PUS3: variants seen among roughly 807,000 people sequenced by gnomAD.
PUS3 encodes the protein tRNA pseudouridine(38/39) synthase.
In PUS3, 36 loss-of-function variants were observed where a neutral mutation model predicts 43.3. That is an observed-to-expected ratio of 0.83 (90% CI 0.64 to 1.10). The LOEUF (loss-of-function observed/expected upper bound fraction) is 1.10, where lower values mean the gene tolerates loss of function less well. PUS3 is among the 50% of genes least tolerant of loss of function. PUS3 has a pLI of 0.00. For synonymous variants in PUS3, 183 were observed against 199.2 expected (o/e 0.92, Z 0.69); for missense variants, 544 against 589.9 (o/e 0.92, Z 0.81).
rs1944561045 is a variant in PUS3, at chr11:125,895,682, G to A, written c.486C>T (p.His162=). The change falls in exon 3 of 4, where the codon CAC becomes CAT. Residue 162 remains histidine, a synonymous_variant. Coordinates refer to ENST00000227474, the MANE Select transcript of PUS3 (RefSeq NM_031307.4). ...CTGGAGGGAGTACCCGATTGAGAAT[G>A]TGGGTATAACGGATCTCTTCAGCAG... ...NAAAEEIRYT[H]ILNRVLPPDI... is the part of the protein sequence containing the mutation. 1.9e-6 allele frequency: 3 copies of A among 1,614,056 alleles called. No homozygotes were observed. Among genetic ancestry groups the A allele is most frequent in the Non-Finnish European group, 1.7e-6 (2 of 1,179,914 alleles).
At position 125,893,702 on chromosome 11, in the gene PUS3, T is replaced by A. The variant is rs1189362786; in HGVS notation, c.*83A>T. 9.8e-6 allele frequency: 11 copies of A among 1,124,390 alleles called. No individual in the cohort carries two copies. The East Asian group carries it at 2.3e-4, about 23-fold the overall frequency. The allele number at this position is 1,124,390 out of a possible 1,614,324, so 69.7% of individuals were successfully genotyped here. ...AAGAGCTGATCATCTGAATTCCTAG[T>A]ACTTGCAAGTAAATTTTTTTTTTTT... is the stretch of plus-strand genomic sequence containing the variant. On this transcript the variant is annotated 3_prime_UTR_variant, in exon 4 of 4. Transcript: ENST00000227474.
intron 1 of PUS3, among the ~76,000 whole-genome samples, chr11:125,901,152 C>T (rs556836387): frequency 6.6e-5 from 10 of 152,194 alleles, no homozygotes; most frequent in African/African-American, 2.4e-4. Flanking sequence ...TAACAAATGC[C>T]CCAAAACAGT....
At chr11:125,899,871 T>C in intron 1 of PUS3, 1 of 1,614,216 alleles carries the variant, frequency 6.2e-7, no homozygotes, top group Middle Eastern at 1.6e-4. Context: ...CAAGATCAGC[T>C]CATTTGCTCT....
At position 125,896,751 on chromosome 11, in the gene PUS3, TC is replaced by T. The variant is rs905255052; in HGVS notation, c.-46-422del. Among the ~76,000 whole-genome samples the T allele has an allele frequency of 1.1e-4, 16 of 152,350 alleles. 1 individual carries two copies. The highest frequency in any genetic ancestry group is 3.3e-4 in the Admixed American group (5 of 15,302). On this transcript the variant is annotated intron_variant, in intron 1 of 3. Transcript: ENST00000227474. ...GGGCTACTTTTATCTGCTCTGAGTT[TC>T]TATTGCTTTCCATTATCTCAAATAA...
intron 1 of PUS3, among the ~76,000 whole-genome samples, chr11:125,897,905 G>GT (rs1944635807): frequency 6.6e-6 from 1 of 152,108 alleles, no homozygotes; most frequent in Non-Finnish European, 1.5e-5. Flanking sequence ...CAAGATACTC[G>GT]TGTTAGCATC....
intron 1 of PUS3, among the ~76,000 whole-genome samples, chr11:125,897,404 C>A (rs1021641151): frequency 3.3e-5 from 5 of 151,744 alleles, no homozygotes; most frequent in East Asian, 3.9e-4. Context: ...GGAAAAACTT[C>A]TGCCAGCAAA....
At position 125,896,266 on chromosome 11, in the gene PUS3, CTG is replaced by C. The variant is rs1208593429; in HGVS notation, c.17_18del (p.Thr6ArgfsTer6). On this transcript the variant is annotated frameshift_variant, in exon 2 of 4. Coordinates refer to ENST00000227474, the MANE Select transcript of PUS3 (RefSeq NM_031307.4). LOFTEE classifies it high-confidence loss of function. Reference protein sequence around the residue: MAYNDTDRNQTEKLLK... With the variant: MAYNDXDRNQTEKLLK... ...AGGAGCTTCTCAGTCTGGTTTCTGT[CTG>C]TGTCATTATAAGCCATGATATGACA... The C allele has an allele frequency of 6.2e-7, 1 of 1,611,126 alleles. No homozygotes were observed. The highest frequency in any genetic ancestry group is 8.5e-7 in the Non-Finnish European group (1 of 1,177,566).
rs1944581255 is a variant in PUS3, at chr11:125,896,136, T to C, written c.149A>G (p.Lys50Arg). 3 of 1,614,236 alleles carry C rather than the reference T, an allele frequency of 1.9e-6. No homozygotes were observed. Among genetic ancestry groups the C allele is most frequent in the Admixed American group, 3.3e-5 (2 of 60,030 alleles). ...NIRENSAGAG[K>R]TKRAFDFSAH... The stretch of plus-strand genomic sequence containing the variant: ...ACTGAAATCAAATGCACGCTTAGTT[T>C]TTCCAGCTCCTGCTGAATTTTCTCT... The change falls in exon 2 of 4, where the codon AAA becomes AGA. Residue 50 changes from lysine to arginine, a missense_variant. Transcript: ENST00000227474.
intron 1 of PUS3, among the ~76,000 whole-genome samples, chr11:125,898,727 A>G (rs1386616456): frequency 6.6e-6 from 1 of 151,976 alleles, no homozygotes; most frequent in Non-Finnish European, 1.5e-5. Context: ...GTATATACAC[A>G]TTATATGTGT....
Position 125,899,564 on chromosome 11 carries a change from G to GT in PUS3, c.-46-3235dup, listed in dbSNP as rs778009727. The GT allele has an allele frequency of 5.0e-6, 8 of 1,614,068 alleles. No individual in the cohort carries two copies. The African/African-American group carries it at 1.1e-4, about 22-fold the overall frequency. On this transcript the variant is annotated intron_variant, in intron 1 of 3. Coordinates refer to ENST00000227474, the MANE Select transcript of PUS3 (RefSeq NM_031307.4). ...CCCAGGGAAGCGACCTGCTCTTCCT[G>GT]TGCAACTACAGTACCCACATGTAGA...
In PUS3 at chr11:125,893,728, T is replaced by TC. The variant is rs1436771296; in HGVS notation, c.*56dup. 3.6e-6 allele frequency: 5 copies of TC among 1,400,960 alleles called. No individual in the cohort carries two copies. In the East Asian group the frequency reaches 9.8e-5, roughly 28 times the overall value. The allele number at this position is 1,400,960 out of a possible 1,614,324, so 86.8% of individuals were successfully genotyped here. ...ACTTGCAAGTAAATTTTTTTTTTTTTCCTTTTCTGTCCACCTACCATTAGG... is the reference window on the plus strand; with the variant it reads ...ACTTGCAAGTAAATTTTTTTTTTTTTCCCTTTTCTGTCCACCTACCATTAGG... On this transcript the variant is annotated 3_prime_UTR_variant, in exon 4 of 4. Coordinates refer to ENST00000227474, the MANE Select transcript of PUS3 (RefSeq NM_031307.4).
In PUS3 at chr11:125,893,659, T is replaced by C. The variant is rs1944475684; in HGVS notation, c.*126A>G. The C allele has an allele frequency of 1.3e-6, 1 of 794,208 alleles. No homozygotes were observed. Among genetic ancestry groups the C allele is most frequent in the East Asian group, 2.7e-5 (1 of 36,710 alleles). 49.2% of individuals were successfully genotyped at this position (794,208 alleles called of 1,614,324 possible). A position where few individuals can be genotyped will look rare whatever the true frequency, so the allele number is the denominator to read the frequency against. On this transcript the variant is annotated 3_prime_UTR_variant, in exon 4 of 4. Transcript: ENST00000227474. The stretch of plus-strand genomic sequence containing the variant: ...TTCCTTAATAGGGCTTTAGTCTTTT[T>C]GCTTTTTTTTTTCTTTTAAGAGCTG...
intron 1 of PUS3, among the ~76,000 whole-genome samples, chr11:125,901,123 G>A (rs1041181604): frequency 6.9e-6 from 1 of 144,430 alleles, no homozygotes; most frequent in South Asian, 2.1e-4. Context: ...ACAAATCCAA[G>A]TAGCTTTAAA....
chr11:125,900,134 C>G lies in PUS3; in HGVS notation c.-47+3036G>C, dbSNP rs1478698385. On this transcript the variant is annotated intron_variant, in intron 1 of 3. Coordinates refer to ENST00000227474, the MANE Select transcript of PUS3 (RefSeq NM_031307.4). The stretch of plus-strand genomic sequence containing the variant: ...TCGAGCAGAACCCCAATCCAAACCT[C>G]AGCATATATATGTCCCAAACAATTA... 2 of 1,614,064 alleles carry G rather than the reference C, an allele frequency of 1.2e-6. No homozygotes were observed. Among genetic ancestry groups the G allele is most frequent in the Non-Finnish European group, 8.5e-7 (1 of 1,180,052 alleles).
chr11:125,897,308 T>C (rs997184172), intron 1 of PUS3, among the ~76,000 whole-genome samples: 1 of 152,136 alleles, frequency 6.6e-6, no homozygotes, highest in African/African-American at 2.4e-5. Flanking sequence ...ATGGAATGAC[T>C]TTTTTCTGAA....
Position 125,895,563 on chromosome 11 carries a change from G to T in PUS3, c.605C>A (p.Ala202Asp). Residue 202 changes from alanine (A) to aspartate (D), a missense_variant, in exon 3 of 4, where the codon GCT (alanine) becomes GAT (aspartate). Ala to Asp is a moderately radical substitution (Grantham distance 126). Coordinates refer to ENST00000227474, the MANE Select transcript of PUS3 (RefSeq NM_031307.4). ...ERTYRYFFPR[A>D]DLDIVTMDYA... ...ATCCATGGTTACAATATCTAAATCA[G>T]CACGAGGGAAAAAATAGCGGTAAGT... 1 of 1,614,180 alleles carries T rather than the reference G, an allele frequency of 6.2e-7. No individual in the cohort carries two copies.
intron 1 of PUS3, among the ~76,000 whole-genome samples, chr11:125,901,008 C>CAAAAA (rs10533810): frequency 8.0e-6 from 1 of 125,650 alleles, no homozygotes; most frequent in Non-Finnish European, 1.7e-5. Flanking sequence ...GACTCCGTCT[C>CAAAAA]AAAAAAAAAA....
In PUS3 at chr11:125,899,627, C is replaced by A. The variant is rs768247584; in HGVS notation, c.-46-3297G>T. On this transcript the variant is annotated intron_variant, in intron 1 of 3. Coordinates refer to ENST00000227474, the MANE Select transcript of PUS3 (RefSeq NM_031307.4). ...TTCAGAAACAGTCTCTGAGGCCTCC[C>A]AAAGACTCCGAAAGCCAGTGATGAA... 1.4e-5 allele frequency: 23 copies of A among 1,614,150 alleles called. 1 individual carries two copies. In the South Asian group the frequency reaches 2.1e-4, roughly 15 times the overall value.
At position 125,895,038 on chromosome 11, in the gene PUS3, G is replaced by A. The variant is rs184431274; in HGVS notation, c.944+186C>T. Among the ~76,000 whole-genome samples, 4 of 151,228 alleles carry A rather than the reference G, an allele frequency of 2.6e-5. No individual in the cohort carries two copies. In the East Asian group the frequency reaches 7.8e-4, roughly 30 times the overall value. On this transcript the variant is annotated intron_variant, in intron 3 of 3. Coordinates refer to ENST00000227474, the MANE Select transcript of PUS3 (RefSeq NM_031307.4). Reference sequence around the variant, plus strand: ...ATTTAGACAGTTACGGTGGAGAGGAGGATATGCTATTTCTTTTTTTTTTTT... The same window carrying A: ...ATTTAGACAGTTACGGTGGAGAGGAAGATATGCTATTTCTTTTTTTTTTTT...
Sources: gnomAD v4.1 joint callset for allele counts (sites outside exome capture counted in the v4.1 genomes callset) on GRCh38, gnomAD v4.1.1 for gene constraint, MANE v1.5 for transcripts, NCBI Gene and HGNC (gene_info 2026-07-23, HGNC 2026-07-21) for gene names.